The following KHDRBS2 variants were observed in gnomAD, a reference collection of about 807,000 sequenced individuals.
KHDRBS2 encodes the protein KH domain-containing, RNA-binding, signal transduction-associated protein 2.
A neutral mutation model predicts 44.3 loss-of-function variants in KHDRBS2; 26 were observed. That is an observed-to-expected ratio of 0.59 (90% CI 0.43 to 0.81). The LOEUF is 0.81. Ranked by LOEUF, KHDRBS2 falls within the 40% of genes least tolerant of loss-of-function variation. KHDRBS2 has a pLI of 0.00. For synonymous variants in KHDRBS2, 194 were observed against 151.1 expected (o/e 1.28, Z -2.08); for missense variants, 476 against 433.1 (o/e 1.10, Z -0.88).
intron 6 of KHDRBS2, among the ~76,000 whole-genome samples, chr6:61,873,248 A>AT (rs1264427019): frequency 6.6e-6 from 1 of 152,068 alleles, no homozygotes. Context: ...TCAGTGGATG[A>AT]TTTTTTAAAA....
At chr6:62,171,878 T>C (rs926810498) in intron 2 of KHDRBS2, among the ~76,000 whole-genome samples, 1 of 152,100 alleles carries the variant, frequency 6.6e-6, no homozygotes, top group Non-Finnish European at 1.5e-5. Context: ...AAGCAAATGC[T>C]AAGGAAATTC....
the KHDRBS2 span, among the ~76,000 whole-genome samples, chr6:61,590,504 A>G: frequency 1.3e-5 from 2 of 152,222 alleles, no homozygotes; most frequent in African/African-American, 2.4e-5. Flanking sequence ...ATATACCACT[A>G]TTAAAGACTC....
At chr6:61,760,812 C>A (rs1346477909) in intron 6 of KHDRBS2, among the ~76,000 whole-genome samples, 2 of 152,066 alleles carry the variant, frequency 1.3e-5, no homozygotes, top group African/African-American at 2.4e-5. Flanking sequence ...ATTAAGCATA[C>A]AATTTAAATA....
chr6:61,962,855 G>A (rs11758684), intron 4 of KHDRBS2, among the ~76,000 whole-genome samples: 8,550 of 152,050 alleles, frequency 0.056, 298 homozygotes, highest in Non-Finnish European at 0.085. Flanking sequence ...GTGGGATTTC[G>A]GCTCTGGAAG....
chr6:62,203,820 TCCTCCCGAA>T (rs1827469416), intron 1 of KHDRBS2, among the ~76,000 whole-genome samples: 1 of 152,152 alleles, frequency 6.6e-6, no homozygotes, highest in Non-Finnish European at 1.5e-5. Context: ...TTGATGTTTG[TCCTCCCGAA>T]CATTATGTTG....
Position 61,967,031 on chromosome 6 carries a change from A to ATAT in KHDRBS2, c.483+11032_483+11034dup, listed in dbSNP as rs770046140. Among the ~76,000 whole-genome samples, 281 of 151,932 alleles carry ATAT rather than the reference A, an allele frequency of 1.8e-3. 1 individual carries two copies. The highest frequency in any genetic ancestry group is 8.7e-4 in the Non-Finnish European group (59 of 67,948). On this transcript the variant is annotated intron_variant, in intron 4 of 8. Transcript: ENST00000281156. ...ACACTGAGATCTACAAAAATTATGT[A>ATAT]TATTTTTAACTGAGATAAATTTAAA...
intron 7 of KHDRBS2, among the ~76,000 whole-genome samples, chr6:61,702,386 AC>A (rs1008425073): frequency 2.0e-5 from 3 of 151,928 alleles, no homozygotes; most frequent in Non-Finnish European, 2.9e-5. Context: ...AGCAGAGCCC[AC>A]CTACCTGCCC....
At position 61,730,586 on chromosome 6, in the gene KHDRBS2, G is replaced by C. The variant is rs117360567; in HGVS notation, c.893+2096C>G. The stretch of plus-strand genomic sequence containing the variant: ...AGAAAAGTAAATATATGGTGCTATT[G>C]GAATTCAGGGCAGAAACAGATTATT... On this transcript the variant is annotated intron_variant, in intron 7 of 8. Transcript: ENST00000281156. Among the ~76,000 whole-genome samples, 13 of 152,108 alleles carry C rather than the reference G, an allele frequency of 8.5e-5. No individual in the cohort carries two copies. In the East Asian group the frequency reaches 2.5e-3, roughly 29 times the overall value.
At chr6:61,921,847 T>C (rs1213600161) in intron 4 of KHDRBS2, among the ~76,000 whole-genome samples, 10 of 152,018 alleles carry the variant, frequency 6.6e-5, no homozygotes, top group Non-Finnish European at 8.8e-5. Flanking sequence ...AATTATTGTG[T>C]TGAATGATGT....
At chr6:61,747,575 C>A (rs1399784911) in intron 6 of KHDRBS2, among the ~76,000 whole-genome samples, 1 of 152,112 alleles carries the variant, frequency 6.6e-6, no homozygotes, top group South Asian at 2.1e-4. Flanking sequence ...ATGACAAATG[C>A]ATATCAAAAT....
intron 2 of KHDRBS2, among the ~76,000 whole-genome samples, chr6:62,153,228 C>A (rs1237583407): frequency 6.6e-6 from 1 of 152,114 alleles, no homozygotes; most frequent in Non-Finnish European, 1.5e-5. Flanking sequence ...TTAAACAGAA[C>A]ATGCTGCAGA....
intron 1 of KHDRBS2, among the ~76,000 whole-genome samples, chr6:62,248,963 T>C (rs989316504): frequency 6.6e-6 from 1 of 152,136 alleles, no homozygotes; most frequent in African/African-American, 2.4e-5. Flanking sequence ...GCATAGATGC[T>C]ATCATATTAA....
Position 61,959,191 on chromosome 6 carries a change from A to C in KHDRBS2, c.483+18875T>G, listed in dbSNP as rs1502938. On this transcript the variant is annotated intron_variant, in intron 4 of 8. Coordinates refer to ENST00000281156, the MANE Select transcript of KHDRBS2 (RefSeq NM_152688.4). The stretch of plus-strand genomic sequence containing the variant: ...CTACTTCACAGGGAGTTATTGGATG[A>C]GATTGTTAAGAATAGAAAATATTGA... Among the ~76,000 whole-genome samples, 201 of 152,284 alleles carry C rather than the reference A, an allele frequency of 1.3e-3. 1 individual carries two copies. Among genetic ancestry groups the C allele is most frequent in the African/African-American group, 4.6e-3 (191 of 41,570 alleles).
intron 5 of KHDRBS2, 133 bp downstream of exon 5, chr6:61,901,111 G>A (rs755862803): frequency 1.4e-5 from 11 of 809,844 alleles, no homozygotes; most frequent in South Asian, 9.9e-5. Context: ...AGCTTTCATC[G>A]TTATTGTTTT....
chr6:61,987,209 A>G (rs2127240454), intron 3 of KHDRBS2, among the ~76,000 whole-genome samples: 1 of 152,310 alleles, frequency 6.6e-6, no homozygotes, highest in East Asian at 1.9e-4. Context: ...CAGTAGTAAC[A>G]CAAGACCAAA....
intron 4 of KHDRBS2, among the ~76,000 whole-genome samples, chr6:61,904,196 G>A (rs183370192): frequency 6.6e-6 from 1 of 152,222 alleles, no homozygotes; most frequent in Non-Finnish European, 1.5e-5. Flanking sequence ...AGCCTTAGTT[G>A]GAGGTGAATA....
At chr6:61,787,786 C>G (rs1297026748) in intron 6 of KHDRBS2, among the ~76,000 whole-genome samples, 1 of 151,644 alleles carries the variant, frequency 6.6e-6, no homozygotes, top group East Asian at 1.9e-4. Context: ...TTGGAAATGA[C>G]AGTGTAATGT....
At chr6:61,697,274 A>C in intron 7 of KHDRBS2, 21 bp from the exon 8 acceptor site, 3 of 1,506,116 alleles carry the variant, frequency 2.0e-6, no homozygotes, top group Non-Finnish European at 2.8e-6. Context: ...TTTAGATAGC[A>C]ATCAATGTTA....
chr6:62,057,521 T>C (rs943152719), intron 2 of KHDRBS2, among the ~76,000 whole-genome samples: 6 of 151,922 alleles, frequency 3.9e-5, no homozygotes, highest in African/African-American at 9.7e-5. Flanking sequence ...ACAAAACCAA[T>C]TGACATAATC....
Sources: allele counts gnomAD v4.1 joint callset (sites outside exome capture counted in the v4.1 genomes callset), GRCh38; gene constraint gnomAD v4.1.1; transcripts MANE v1.5; gene names NCBI Gene and HGNC (gene_info 2026-07-23, HGNC 2026-07-21).